Variants in E2F3 observed in about 807,000 individuals in gnomAD.
The protein encoded by E2F3 is transcription factor E2F3.
E2F3 carries 11 observed loss-of-function variants against 44.4 expected under a neutral mutation model. That is an observed-to-expected ratio of 0.25 (90% CI 0.16 to 0.41). The LOEUF is 0.41. Among genes scored for constraint, E2F3 ranks in the 10% least tolerant of loss-of-function variants. The pLI, the probability that E2F3 is intolerant of heterozygous loss-of-function variation, is 1.00. For missense variants in E2F3, 487 were observed against 583.6 expected, an observed-to-expected ratio of 0.83 and a Z score of 1.70; for synonymous variants, 249 against 253.0, an observed-to-expected ratio of 0.98 and a Z score of 0.15.
intron 3 of E2F3, among the ~76,000 whole-genome samples, 176 bp downstream of exon 3, chr6:20,481,601 T>C (rs1012772253): frequency 2.6e-5 from 4 of 152,174 alleles, no homozygotes; most frequent in African/African-American, 9.7e-5. Flanking sequence ...GTTTGAAGTC[T>C]CTTTACAAAG....
At chr6:20,403,463 G>A (rs1759379787) in intron 1 of E2F3, among the ~76,000 whole-genome samples, 1 of 151,770 alleles carries the variant, frequency 6.6e-6, no homozygotes, top group South Asian at 2.1e-4. Flanking sequence ...ACGGAGGGCG[G>A]GGGCAGCTGG....
chr6:20,467,164 ACTAT>A (rs1761742155), intron 1 of E2F3, among the ~76,000 whole-genome samples: 1 of 152,200 alleles, frequency 6.6e-6, no homozygotes, highest in Admixed American at 6.5e-5. Flanking sequence ...GGCTTCTTGA[ACTAT>A]CTCTCGATTT....
chr6:20,424,210 G>GGTATATGTGTGTGT (rs58738322), intron 1 of E2F3, among the ~76,000 whole-genome samples: 1 of 136,920 alleles, frequency 7.3e-6, no homozygotes, highest in Non-Finnish European at 1.5e-5. Flanking sequence ...TCAGTGGAAG[G>GGTATATGTGTGTGT]GTGTGTGTGT....
chr6:20,462,875 T>C (rs1761568234), intron 1 of E2F3, among the ~76,000 whole-genome samples: 2 of 102,250 alleles, frequency 2.0e-5, no homozygotes, highest in African/African-American at 8.6e-5. Context: ...TTTTTTTTTT[T>C]TTTTTTTTTT....
At chr6:20,434,028 T>C (rs932591831) in intron 1 of E2F3, among the ~76,000 whole-genome samples, 5 of 152,158 alleles carry the variant, frequency 3.3e-5, no homozygotes, top group Admixed American at 2.6e-4. Flanking sequence ...CATAGATAGG[T>C]TGGAAGTGAT....
intron 2 of E2F3, among the ~76,000 whole-genome samples, chr6:20,480,873 T>C (rs1762201099): frequency 6.6e-6 from 1 of 152,214 alleles, no homozygotes; most frequent in Non-Finnish European, 1.5e-5. Context: ...CACAGCACTC[T>C]TTCATTCATT....
chr6:20,409,546 C>T (rs1189064971), intron 1 of E2F3, among the ~76,000 whole-genome samples: 1 of 152,196 alleles, frequency 6.6e-6, no homozygotes, highest in African/African-American at 2.4e-5. Context: ...GGGCCACCAA[C>T]ATCCTGAGTG....
intron 1 of E2F3, among the ~76,000 whole-genome samples, chr6:20,469,962 T>G (rs1217022482): frequency 1.3e-5 from 2 of 152,216 alleles, no homozygotes; most frequent in African/African-American, 4.8e-5. Context: ...AGGTTGACAC[T>G]AGGAGTGCAT....
intron 6 of E2F3, among the ~76,000 whole-genome samples, chr6:20,489,726 G>A (rs1187476183): frequency 6.6e-6 from 1 of 151,868 alleles, no homozygotes; most frequent in Admixed American, 6.6e-5. Context: ...TGTAATTTCA[G>A]CACTTTGGGA....
chr6:20,462,859 CTTTTTTTTTTTTTTTTTTTTTTTTTTTT>C (rs780366667), intron 1 of E2F3, among the ~76,000 whole-genome samples: 1 of 48,810 alleles, frequency 2.0e-5, no homozygotes, highest in Non-Finnish European at 3.6e-5. Flanking sequence ...CTCTCTCTCT[CTTTTTTTTTTTTTTTTTTTTTTTTTTTT>C]TTTTTTTTTG....
chr6:20,449,730 C>CTAG (rs1054651046), intron 1 of E2F3, among the ~76,000 whole-genome samples: 1 of 152,066 alleles, frequency 6.6e-6, no homozygotes, highest in African/African-American at 2.4e-5. Context: ...GGTATTAAGC[C>CTAG]TAGTACCCAT....
chr6:20,402,222 A>T lies in E2F3; in HGVS notation c.-11A>T, dbSNP rs1561842520. 1 of 1,581,438 alleles carries T rather than the reference A, an allele frequency of 6.3e-7. No homozygotes were observed. The highest frequency in any genetic ancestry group is 2.3e-5 in the East Asian group (1 of 44,228). On this transcript the variant is annotated 5_prime_UTR_variant, in exon 1 of 7. Transcript: ENST00000346618. This position sits in a 1 kb window ranked among gnomAD's most constrained non-coding sequence, Gnocchi z 5.6. ...AATATACCATAACACTAAAAAGAGC[A>T]GGAGCGAGAGATGAGAAAGGGAATC...
chr6:20,449,959 T>C lies in E2F3; in HGVS notation c.394-29887T>C, dbSNP rs190647243. Among the ~76,000 whole-genome samples the C allele has an allele frequency of 6.9e-3, 1,050 of 152,322 alleles. 13 individuals carry two copies. Among genetic ancestry groups the C allele is most frequent in the African/African-American group, 0.024 (993 of 41,548 alleles). ...CTGCAAAGAACACAGTCTCATTATTTTTATGGCTGCATAGTATTCCGAGGT... is the reference window on the plus strand; with the variant it reads ...CTGCAAAGAACACAGTCTCATTATTCTTATGGCTGCATAGTATTCCGAGGT... On this transcript the variant is annotated intron_variant, in intron 1 of 6. Coordinates refer to ENST00000346618, the MANE Select transcript of E2F3 (RefSeq NM_001949.5).
intron 1 of E2F3, among the ~76,000 whole-genome samples, chr6:20,470,630 A>G (rs1253710311): frequency 6.6e-6 from 1 of 152,102 alleles, no homozygotes; most frequent in Non-Finnish European, 1.5e-5. Flanking sequence ...CCTTTGTTCA[A>G]AATACCTGTC....
chr6:20,479,790 C>T (rs1359311087), intron 1 of E2F3, 56 bp from the exon 2 acceptor site: 1 of 1,502,056 alleles, frequency 6.7e-7, no homozygotes, highest in African/African-American at 1.4e-5. Flanking sequence ...AAACTGCCTC[C>T]CTTCTTGTTC....
intron 1 of E2F3, among the ~76,000 whole-genome samples, chr6:20,426,714 A>G (rs771370014): frequency 6.6e-6 from 1 of 152,174 alleles, no homozygotes; most frequent in African/African-American, 2.4e-5. Context: ...GCTTTCCCTC[A>G]TGCCCAGGGC....
At chr6:20,465,138 C>G (rs961017599) in intron 1 of E2F3, among the ~76,000 whole-genome samples, 1 of 152,188 alleles carries the variant, frequency 6.6e-6, no homozygotes, top group Non-Finnish European at 1.5e-5. Context: ...CTTCACCTCC[C>G]AGACGATTTT....
chr6:20,480,791 T>C (rs1253009577), intron 2 of E2F3, among the ~76,000 whole-genome samples: 1 of 152,210 alleles, frequency 6.6e-6, no homozygotes, highest in Non-Finnish European at 1.5e-5. Context: ...TAAGACCTTG[T>C]CCTGCAGTGC....
intron 1 of E2F3, among the ~76,000 whole-genome samples, chr6:20,405,491 G>C (rs1759465011): frequency 6.6e-6 from 1 of 150,544 alleles, no homozygotes; most frequent in Non-Finnish European, 1.5e-5. Context: ...GATTACAGGC[G>C]TGAGCCACCA....
Sources: gnomAD v4.1 joint callset for allele counts (sites outside exome capture counted in the v4.1 genomes callset) on GRCh38, gnomAD v4.1.1 for gene constraint, Gnocchi (gnomAD v3.1) non-coding constraint, MANE v1.5 for transcripts, NCBI Gene and HGNC (gene_info 2026-07-23, HGNC 2026-07-21) for gene names.